Variants in SLC7A7 observed in about 807,000 individuals in gnomAD.
SLC7A7 encodes Y+L amino acid transporter 1.
Under a neutral mutation model 47.9 loss-of-function variants are expected in SLC7A7, and 39 were observed. That is an observed-to-expected ratio of 0.81 (90% CI 0.63 to 1.06). SLC7A7 has a LOEUF of 1.06. Ranked by LOEUF, SLC7A7 falls within the 50% of genes least tolerant of loss-of-function variation. The pLI is 0.00. For synonymous variants in SLC7A7, 234 were observed against 242.8 expected, an observed-to-expected ratio of 0.96 and a Z score of 0.34; for missense variants, 588 against 632.0, an observed-to-expected ratio of 0.93 and a Z score of 0.75.
intron 2 of SLC7A7, among the ~76,000 whole-genome samples, chr14:22,808,628 G>A (rs550259421): frequency 1.6e-4 from 24 of 152,256 alleles, no homozygotes; most frequent in African/African-American, 5.3e-4. Flanking sequence ...GCAACATAGC[G>A]AGACCCCATC....
Position 22,778,950 on chromosome 14 carries a change from A to C in SLC7A7, c.626-13T>G, listed in dbSNP as rs1352954823. 6.2e-7 allele frequency: 1 copy of C among 1,613,562 alleles called. No individual in the cohort carries two copies. The highest frequency in any genetic ancestry group is 2.2e-5 in the East Asian group (1 of 44,888). Reference sequence around the variant, plus strand: ...TGAGTAGAGGCTCCTGGAACCCAAGAACATTGGAAGGCAGGGGATTAGTGG... The same window carrying C: ...TGAGTAGAGGCTCCTGGAACCCAAGCACATTGGAAGGCAGGGGATTAGTGG... On this transcript the variant is annotated splice_polypyrimidine_tract_variant and intron_variant, in intron 3 of 9. Coordinates refer to ENST00000674313, the MANE Select transcript of SLC7A7 (RefSeq NM_003982.4).
upstream of SLC7A7, among the ~76,000 whole-genome samples, chr14:22,817,880 T>C (rs530305827): frequency 6.6e-6 from 1 of 152,212 alleles, no homozygotes; most frequent in Admixed American, 6.5e-5. Flanking sequence ...CTTCAGTCTA[T>C]AGCCTAGACG....
At position 22,813,431 on chromosome 14, in the gene SLC7A7, T is replaced by C. The variant is rs779671524; in HGVS notation, c.-33A>G. On this transcript the variant is annotated 5_prime_UTR_variant, in exon 2 of 10. Transcript: ENST00000674313. ...GAGAGGAAACCCTTCACCAGCTTCC[T>C]GGCATTGCCCTTTAAGGAAGAAAGA... The C allele has an allele frequency of 1.2e-6, 2 of 1,604,958 alleles. No individual in the cohort carries two copies. Among genetic ancestry groups the C allele is most frequent in the Non-Finnish European group, 1.7e-6 (2 of 1,179,938 alleles).
intron 4 of SLC7A7, among the ~76,000 whole-genome samples, chr14:22,777,404 G>A (rs989659553): frequency 3.9e-5 from 6 of 152,166 alleles, no homozygotes; most frequent in Admixed American, 2.0e-4. Flanking sequence ...AGAAGTGTAT[G>A]TATCTGACTA....
chr14:22,774,019 G>C lies in SLC7A7; in HGVS notation c.1343C>G (p.Ala448Gly). The C allele has an allele frequency of 1.2e-6, 2 of 1,614,146 alleles. No homozygotes were observed. The highest frequency in any genetic ancestry group is 1.7e-6 in the Non-Finnish European group (2 of 1,180,008). ...AAAGGGCAGGCCTGAGAGGGCAATGGCAATGCCGATGAGGGAGTTGATAGT... is the reference window on the plus strand; with the variant it reads ...AAAGGGCAGGCCTGAGAGGGCAATGCCAATGCCGATGAGGGAGTTGATAGT... ...SDTINSLIGI[A>G]IALSGLPFYF... The change falls in exon 9 of 10, where the codon GCC becomes GGC. Residue 448 changes from alanine to glycine, a missense_variant. By Grantham distance (60) the Ala-to-Gly change is moderately conservative. Transcript: ENST00000674313.
intron 2 of SLC7A7, among the ~76,000 whole-genome samples, chr14:22,786,910 T>G (rs1594955802): frequency 6.6e-6 from 1 of 152,180 alleles, no homozygotes; most frequent in Non-Finnish European, 1.5e-5. Flanking sequence ...CACTGCAGCC[T>G]GGGCAACACA....
Position 22,813,444 on chromosome 14 carries a change from T to C in SLC7A7, c.-42-4A>G. On this transcript the variant is annotated splice_region_variant and splice_polypyrimidine_tract_variant and intron_variant, in intron 1 of 9. Transcript: ENST00000674313. ...TCACCAGCTTCCTGGCATTGCCCTT[T>C]AAGGAAGAAAGATGATGCTATAGAT... 1 of 1,601,644 alleles carries C rather than the reference T, an allele frequency of 6.2e-7. No homozygotes were observed. Among genetic ancestry groups the C allele is most frequent in the Non-Finnish European group, 8.5e-7 (1 of 1,179,536 alleles).
At chr14:22,818,971 C>G (rs2039442526), upstream of SLC7A7, among the ~76,000 whole-genome samples, 1 of 152,132 alleles carries the variant, frequency 6.6e-6, no homozygotes, top group African/African-American at 2.4e-5. Flanking sequence ...GCATTCATCT[C>G]TGAACACCCA....
intron 3 of SLC7A7, among the ~76,000 whole-genome samples, chr14:22,779,141 T>C (rs1466758972): frequency 6.6e-6 from 1 of 152,188 alleles, no homozygotes; most frequent in Non-Finnish European, 1.5e-5. Flanking sequence ...TGCATCCTAA[T>C]GACATAGATG....
upstream of SLC7A7, chr14:22,816,118 A>G (rs1163783151): frequency 6.0e-6 from 1 of 166,860 alleles, no homozygotes; most frequent in Non-Finnish European, 1.3e-5. Flanking sequence ...TTGACAAAAC[A>G]TACCAAGATC....
chr14:22,800,220 G>C (rs1019622605), intron 2 of SLC7A7, among the ~76,000 whole-genome samples: 1 of 152,144 alleles, frequency 6.6e-6, no homozygotes, highest in African/African-American at 2.4e-5. Context: ...CCACTCTTCT[G>C]CTTTTAAAGG....
intron 2 of SLC7A7, among the ~76,000 whole-genome samples, chr14:22,785,698 C>A (rs546933239): frequency 6.8e-6 from 1 of 148,012 alleles, no homozygotes; most frequent in South Asian, 2.1e-4. Context: ...ATTGCACCAG[C>A]CTAGGCAACA....
chr14:22,778,689 T>G (rs1304312926), intron 4 of SLC7A7, 104 bp downstream of exon 4: 4 of 1,285,266 alleles, frequency 3.1e-6, no homozygotes, highest in African/African-American at 1.5e-5. Flanking sequence ...ATGAGGCTGG[T>G]AAAATTAACC....
At chr14:22,803,675 GAATC>G (rs1449447575) in intron 2 of SLC7A7, among the ~76,000 whole-genome samples, 13 of 152,142 alleles carry the variant, frequency 8.5e-5, no homozygotes, top group African/African-American at 3.1e-4. Context: ...AGTCCAAGGT[GAATC>G]AAAGAAGTCA....
chr14:22,775,618 C>T, intron 6 of SLC7A7, 78 bp from the exon 7 acceptor site: 9 of 1,199,416 alleles, frequency 7.5e-6, no homozygotes, highest in Non-Finnish European at 1.1e-5. Flanking sequence ...CATGGCCCTC[C>T]CTCTCTGCCA....
chr14:22,785,807 G>C (rs1302187361), intron 2 of SLC7A7, among the ~76,000 whole-genome samples: 1 of 151,586 alleles, frequency 6.6e-6, no homozygotes, highest in Non-Finnish European at 1.5e-5. Context: ...CGGATCATGA[G>C]GTCAGGAGAT....
At chr14:22,793,039 C>T (rs2038953740) in intron 2 of SLC7A7, among the ~76,000 whole-genome samples, 1 of 151,570 alleles carries the variant, frequency 6.6e-6, no homozygotes, top group South Asian at 2.1e-4. Flanking sequence ...GCCTCAGCCT[C>T]CCAAGTAGCT....
At chr14:22,784,576 C>T (rs184517032) in intron 2 of SLC7A7, among the ~76,000 whole-genome samples, 1 of 152,108 alleles carries the variant, frequency 6.6e-6, no homozygotes, top group East Asian at 1.9e-4. Flanking sequence ...CAAGATCACA[C>T]CACTGCACTC....
intron 2 of SLC7A7, among the ~76,000 whole-genome samples, chr14:22,796,966 A>G (rs1594967843): frequency 6.6e-6 from 1 of 152,218 alleles, no homozygotes; most frequent in East Asian, 1.9e-4. Flanking sequence ...TTTAGAAATC[A>G]ATAAGATGCA....
Sources: gnomAD v4.1 joint callset for allele counts (sites outside exome capture counted in the v4.1 genomes callset) on GRCh38, gnomAD v4.1.1 for gene constraint, MANE v1.5 for transcripts, NCBI Gene and HGNC (gene_info 2026-07-23, HGNC 2026-07-21) for gene names.